Variants in HECA observed in about 807,000 individuals in gnomAD.
HECA encodes headcase protein homolog.
In HECA, 13 loss-of-function variants were observed where a neutral mutation model predicts 37.6. The observed-to-expected ratio is 0.35, with a 90% CI of 0.23 to 0.55. HECA has a LOEUF of 0.55. Among genes scored for constraint, HECA ranks in the 20% least tolerant of loss-of-function variants. HECA has a pLI of 0.90. For synonymous variants in HECA, 307 were observed against 291.5 expected, an observed-to-expected ratio of 1.05 and a Z score of -0.54; for missense variants, 527 against 701.9, an observed-to-expected ratio of 0.75 and a Z score of 2.82.
At chr6:139,171,547 G>A (rs542910778) in intron 2 of HECA, among the ~76,000 whole-genome samples, 9 of 152,302 alleles carry the variant, frequency 5.9e-5, no homozygotes, top group East Asian at 1.9e-4. Flanking sequence ...AATCCATGCC[G>A]TCTTATTTGT....
chr6:139,177,184 G>A lies in HECA; in HGVS notation c.*79G>A, dbSNP rs1227700919. ...TATCTTTTATAGGGAAACATTCTGT[G>A]ACATTAATTTCCTTTCTAATTTAAA... On this transcript the variant is annotated 3_prime_UTR_variant, in exon 4 of 4. Transcript: ENST00000367658. This position sits in a 1 kb window ranked among gnomAD's most constrained non-coding sequence, Gnocchi z 4.9. 1.8e-5 allele frequency: 12 copies of A among 665,232 alleles called. No individual in the cohort carries two copies. The highest frequency in any genetic ancestry group is 7.7e-5 in the Admixed American group (3 of 38,738). The allele number at this position is 665,232 out of a possible 1,614,324, so 41.2% of individuals were successfully genotyped here. A position where few individuals can be genotyped will look rare whatever the true frequency, so the allele number is the denominator to read the frequency against.
rs777822626 is a variant in HECA at position 139,153,459 on chromosome 6, G to A, written c.272-12825G>A. Among the ~76,000 whole-genome samples, 13 of 148,678 alleles carry A rather than the reference G, an allele frequency of 8.7e-5. 2 individuals carry two copies. In the South Asian group the frequency reaches 1.9e-3, roughly 22 times the overall value. The stretch of plus-strand genomic sequence containing the variant: ...TTTTTTGAGAGGGAGTTTTGCTCTC[G>A]TCGCCCAGGCTGGAGTGCAGTGGCG... On this transcript the variant is annotated intron_variant, in intron 1 of 3. Transcript: ENST00000367658.
intron 2 of HECA, among the ~76,000 whole-genome samples, chr6:139,174,130 C>A (rs1049714059): frequency 6.6e-6 from 1 of 152,052 alleles, no homozygotes; most frequent in Admixed American, 6.5e-5. Flanking sequence ...GCCCAGCAGC[C>A]CTTTTTGGAA....
chr6:139,157,031 C>T (rs1366062970), intron 1 of HECA, among the ~76,000 whole-genome samples: 2 of 152,222 alleles, frequency 1.3e-5, no homozygotes, highest in African/African-American at 4.8e-5. Flanking sequence ...AATGGCTACT[C>T]CATAGACAGA....
At chr6:139,156,440 G>C (rs1173275139) in intron 1 of HECA, among the ~76,000 whole-genome samples, 1 of 152,126 alleles carries the variant, frequency 6.6e-6, no homozygotes, top group East Asian at 1.9e-4. Flanking sequence ...GAACTCCTGG[G>C]CTGAAGTGAC....
chr6:139,145,365 G>T (rs916835477), intron 1 of HECA, among the ~76,000 whole-genome samples: 7 of 152,114 alleles, frequency 4.6e-5, no homozygotes, highest in Non-Finnish European at 8.8e-5. Context: ...TTGCTAAATT[G>T]TACAGATGAG....
chr6:139,147,024 C>T (rs1335536805), intron 1 of HECA, among the ~76,000 whole-genome samples: 1 of 152,152 alleles, frequency 6.6e-6, no homozygotes, highest in African/African-American at 2.4e-5. Context: ...CCACAGCTCC[C>T]CTTTTTGAGT....
At chr6:139,150,972 G>C (rs1774643124) in intron 1 of HECA, 3 of 152,164 alleles carry the variant, frequency 2.0e-5, no homozygotes, top group Admixed American at 1.3e-4. Context: ...CAACAATCAT[G>C]ACTGATTGTT....
At chr6:139,165,807 GGGA>G (rs1254787445) in intron 1 of HECA, among the ~76,000 whole-genome samples, 811 of 16,890 alleles carry the variant, frequency 0.048, 8 homozygotes, top group African/African-American at 0.32. Context: ...TGCACAGTGT[GGGA>G]CATGTGTGGG....
chr6:139,156,086 C>T (rs1774708443), intron 1 of HECA, among the ~76,000 whole-genome samples: 1 of 152,008 alleles, frequency 6.6e-6, no homozygotes, highest in Non-Finnish European at 1.5e-5. Flanking sequence ...CAAATACTAA[C>T]TTGTGGCAGT....
Position 139,167,143 on chromosome 6 carries a change from G to A in HECA, c.1131G>A (p.Gly377=), listed in dbSNP as rs1774901636. Residue 377 remains glycine (G), a synonymous_variant, in exon 2 of 4, where the codon GGG becomes GGA. Coordinates refer to ENST00000367658, the MANE Select transcript of HECA (RefSeq NM_016217.3). The part of the protein sequence containing the change: ...RMEDDAQVGQ[G]EDLRKFILAA... ...AAGACGATGCCCAAGTGGGCCAGGGGGAAGACTTGCGGAAGTTCATTCTGG... is the reference window on the plus strand; with the variant it reads ...AAGACGATGCCCAAGTGGGCCAGGGAGAAGACTTGCGGAAGTTCATTCTGG... 6.2e-7 allele frequency: 1 copy of A among 1,614,062 alleles called. No homozygotes were observed. The highest frequency in any genetic ancestry group is 1.7e-5 in the Admixed American group (1 of 60,012).
In HECA at chr6:139,135,156, C is replaced by T. The variant is rs541618153; in HGVS notation, c.-241C>T. 105 of 184,354 alleles carry T rather than the reference C, an allele frequency of 5.7e-4. 1 individual carries two copies. In the South Asian group the frequency reaches 0.019, roughly 33 times the overall value. The allele number at this position is 184,354 out of a possible 1,614,324, so 11.4% of individuals were successfully genotyped here. A position where few individuals can be genotyped will look rare whatever the true frequency, so the allele number is the denominator to read the frequency against. On this transcript the variant is annotated 5_prime_UTR_variant, in exon 1 of 4. Transcript: ENST00000367658. ...GGAGCGTCTCGCTTGCGCCCCGGGC[C>T]CGCGGCGCCCGCGCGGCTGCGAGCC...
intron 1 of HECA, among the ~76,000 whole-genome samples, chr6:139,154,393 C>T (rs775987347): frequency 6.6e-6 from 1 of 152,144 alleles, no homozygotes; most frequent in African/African-American, 2.4e-5. Flanking sequence ...CAAAAAAAAA[C>T]TCTGGACTGG....
rs1186378892 is a variant in HECA, at chr6:139,177,152, T to C, written c.*47T>C. 1 of 748,266 alleles carries C rather than the reference T, an allele frequency of 1.3e-6. No individual in the cohort carries two copies. The highest frequency in any genetic ancestry group is 1.6e-5 in the South Asian group (1 of 61,312). 46.4% of individuals were successfully genotyped at this position (748,266 alleles called of 1,614,324 possible). ...AGCTATTTTATTGATATTATTACTT[T>C]ATTACATATCTTTTATAGGGAAACA... On this transcript the variant is annotated 3_prime_UTR_variant, in exon 4 of 4. Transcript: ENST00000367658. This position sits in a 1 kb window ranked among gnomAD's most constrained non-coding sequence, Gnocchi z 4.9.
intron 1 of HECA, among the ~76,000 whole-genome samples, chr6:139,138,395 G>A (rs1190754291): frequency 6.6e-6 from 1 of 152,204 alleles, no homozygotes; most frequent in African/African-American, 2.4e-5. Context: ...TACAAGAAAG[G>A]AGGTACTTGA....
At chr6:139,145,833 T>C (rs1774578277) in intron 1 of HECA, among the ~76,000 whole-genome samples, 1 of 152,124 alleles carries the variant, frequency 6.6e-6, no homozygotes, top group Admixed American at 6.5e-5. Flanking sequence ...GGTGGTAATA[T>C]CAGCTTGGTG....
At chr6:139,173,536 A>G (rs1449772472) in intron 2 of HECA, among the ~76,000 whole-genome samples, 1 of 152,186 alleles carries the variant, frequency 6.6e-6, no homozygotes, top group Non-Finnish European at 1.5e-5. Context: ...TCTGAATATG[A>G]GGCCACTTAG....
chr6:139,161,980 G>A (rs1416134339), intron 1 of HECA, among the ~76,000 whole-genome samples: 1 of 152,188 alleles, frequency 6.6e-6, no homozygotes, highest in African/African-American at 2.4e-5. Flanking sequence ...AGGTCTGACT[G>A]TCTAGGATTA....
chr6:139,166,009 A>G lies in HECA; in HGVS notation c.272-275A>G, dbSNP rs187864524. Reference sequence around the variant, plus strand: ...ACGAGAAATCGGTATGAGACCGTCTATGTTCCAGCGGCTTTCTGGTATTCA... The same window carrying G: ...ACGAGAAATCGGTATGAGACCGTCTGTGTTCCAGCGGCTTTCTGGTATTCA... On this transcript the variant is annotated intron_variant, in intron 1 of 3. Transcript: ENST00000367658. 605 of 336,998 alleles carry G rather than the reference A, an allele frequency of 1.8e-3. 3 individuals carry two copies. The highest frequency in any genetic ancestry group is 0.011 in the African/African-American group (514 of 47,294). The allele number at this position is 336,998 out of a possible 1,614,324, so 20.9% of individuals were successfully genotyped here.
Sources: gnomAD v4.1 joint callset for allele counts (sites outside exome capture counted in the v4.1 genomes callset) on GRCh38, gnomAD v4.1.1 for gene constraint, Gnocchi (gnomAD v3.1) non-coding constraint, MANE v1.5 for transcripts, NCBI Gene and HGNC (gene_info 2026-07-23, HGNC 2026-07-21) for gene names.